The following EYA1 variants were observed in gnomAD, a reference collection of about 807,000 sequenced individuals.
EYA1 encodes EYA transcriptional coactivator and phosphatase 1.
EYA1 carries 16 observed loss-of-function variants against 82.0 expected under a neutral mutation model. The ratio of observed to expected loss-of-function variants is 0.20; its 90% CI spans 0.13 to 0.30. The LOEUF (loss-of-function observed/expected upper bound fraction) is 0.30. EYA1 is among the 10% of genes least tolerant of loss of function. The probability of loss-of-function intolerance (pLI) is 1.00; values close to 1 mark genes in which losing one functional copy is unlikely to be tolerated. For synonymous variants in EYA1, 261 were observed against 264.4 expected (o/e 0.99, Z 0.12); for missense variants, 633 against 730.7 (o/e 0.87, Z 1.54).
At chr8:71,429,364 G>T (rs1805465319) in intron 2 of EYA1, among the ~76,000 whole-genome samples, 1 of 151,988 alleles carries the variant, frequency 6.6e-6, no homozygotes, top group African/African-American at 2.4e-5. Flanking sequence ...CAATTAAGTT[G>T]ATTTCAAAAA....
chr8:71,424,594 G>C (rs902105369), intron 2 of EYA1, among the ~76,000 whole-genome samples: 2 of 152,196 alleles, frequency 1.3e-5, no homozygotes, highest in Admixed American at 6.5e-5. Flanking sequence ...ACTGGGAACA[G>C]TAATTTCAGT....
At chr8:71,236,928 C>G (rs2128891557) in intron 12 of EYA1, among the ~76,000 whole-genome samples, 2 of 152,296 alleles carry the variant, frequency 1.3e-5, no homozygotes, top group East Asian at 3.9e-4. Context: ...TTTCTGAAAA[C>G]TTGTATCCCT....
In EYA1 at chr8:71,317,561, GGTAGCT is replaced by G; in HGVS notation, c.541_546del (p.Ser181_Tyr182del). 6.2e-7 allele frequency: 1 copy of G among 1,614,058 alleles called. No individual in the cohort carries two copies. The highest frequency in any genetic ancestry group is 8.5e-7 in the Non-Finnish European group (1 of 1,179,954). ...ATGTGTATATACAGACCTTGCATCT[GGTAGCT>G]GTATGGTGCCTGTCCAGGTTGAGGG... On this transcript the variant is annotated inframe_deletion, in exon 7 of 18. Coordinates refer to ENST00000340726, the MANE Select transcript of EYA1 (RefSeq NM_000503.6).
At chr8:71,369,668 C>T (rs936742272) in intron 2 of EYA1, among the ~76,000 whole-genome samples, 1 of 152,134 alleles carries the variant, frequency 6.6e-6, no homozygotes, top group Non-Finnish European at 1.5e-5. Flanking sequence ...GGCATAGTTT[C>T]CAGGGTTTAG....
chr8:71,262,151 C>T lies in EYA1; in HGVS notation c.1050+7589G>A, dbSNP rs573852903. On this transcript the variant is annotated intron_variant, in intron 11 of 17. Transcript: ENST00000340726. ...CAGATAATTTAATTTTTCTGAGCTA[C>T]ACTTTTCTTATTGGCAAAAAGAAGG... Among the ~76,000 whole-genome samples the T allele has an allele frequency of 1.2e-4, 18 of 152,290 alleles. No homozygotes were observed. The South Asian group carries it at 2.7e-3, about 23-fold the overall frequency.
chr8:71,222,782 C>G (rs1236444018), intron 12 of EYA1, among the ~76,000 whole-genome samples: 1 of 152,202 alleles, frequency 6.6e-6, no homozygotes, highest in African/African-American at 2.4e-5. Context: ...GTCTTTGACC[C>G]TCAACTCGCC....
At chr8:71,433,184 T>A (rs1243067214) in intron 2 of EYA1, among the ~76,000 whole-genome samples, 5 of 152,120 alleles carry the variant, frequency 3.3e-5, no homozygotes, top group Non-Finnish European at 7.4e-5. Context: ...ATATTTACAA[T>A]TTTTTCCTTA....
intron 2 of EYA1, among the ~76,000 whole-genome samples, chr8:71,486,473 G>A (rs945394830): frequency 6.6e-6 from 1 of 152,170 alleles, no homozygotes; most frequent in Non-Finnish European, 1.5e-5. Context: ...GAACCTGGGG[G>A]TCCTTTTTCT....
In EYA1 at chr8:71,317,691, T is replaced by C; in HGVS notation, c.419-2A>G. The C allele has an allele frequency of 6.2e-7, 1 of 1,614,000 alleles. No homozygotes were observed. Among genetic ancestry groups the C allele is most frequent in the Admixed American group, 1.7e-5 (1 of 60,028 alleles). On this transcript the variant is annotated splice_acceptor_variant, in intron 6 of 17. Transcript: ENST00000340726. LOFTEE classifies it high-confidence loss of function. ...TCTTGATGCCTGCCCACAATGCACC[T>C]AAATCAGTTAGTGATAGCTTATCTA... is the stretch of plus-strand genomic sequence containing the variant.
chr8:71,507,188 T>C (rs1384538787), intron 2 of EYA1, among the ~76,000 whole-genome samples: 1 of 152,154 alleles, frequency 6.6e-6, no homozygotes, highest in African/African-American at 2.4e-5. Context: ...TCTTTTTCTC[T>C]GCAGTATATA....
At chr8:71,206,422 T>C (rs1807781508) in intron 17 of EYA1, among the ~76,000 whole-genome samples, 2 of 152,110 alleles carry the variant, frequency 1.3e-5, no homozygotes, top group South Asian at 4.1e-4. Context: ...GGTTTCACCA[T>C]GTTGCCCAGG....
chr8:71,348,451 A>G (rs1328538114), intron 3 of EYA1, among the ~76,000 whole-genome samples: 1 of 152,238 alleles, frequency 6.6e-6, no homozygotes, highest in African/African-American at 2.4e-5. Flanking sequence ...TTCTGGCCCA[A>G]CCAGCGGAGA....
rs887536064 is a variant in EYA1 at position 71,271,820 on chromosome 8, T to G, written c.904A>C (p.Lys302Gln). 6.2e-7 allele frequency: 1 copy of G among 1,614,200 alleles called. No individual in the cohort carries two copies. Among genetic ancestry groups the G allele is most frequent in the Non-Finnish European group, 8.5e-7 (1 of 1,180,034 alleles). The change falls in exon 10 of 18, where the codon AAA (lysine) becomes CAA (glutamine). Residue 302 changes from lysine (K) to glutamine (Q), a missense_variant. Physicochemically the swap from Lys to Gln is moderately conservative, Grantham distance 53. Transcript: ENST00000340726. ...TTTCTTCGGCCCCGTCCACGTGATTTCCCATCTGAACCTCGACGCAATCGA... is the reference window on the plus strand; with the variant it reads ...TTTCTTCGGCCCCGTCCACGTGATTGCCCATCTGAACCTCGACGCAATCGA... ...SDRLRRGSDG[K>Q]SRGRGRRNNN... is the part of the protein sequence containing the mutation.
intron 4 of EYA1, among the ~76,000 whole-genome samples, chr8:71,328,247 C>T (rs1190278195): frequency 2.6e-5 from 4 of 152,164 alleles, no homozygotes; most frequent in Admixed American, 2.6e-4. Flanking sequence ...GGCTTAGAAA[C>T]TTCTTTCTTT....
At chr8:71,377,871 C>G (rs1828464692) in intron 2 of EYA1, among the ~76,000 whole-genome samples, 1 of 152,180 alleles carries the variant, frequency 6.6e-6, no homozygotes. Flanking sequence ...TTAACTGTTT[C>G]ATCTGACATT....
intron 2 of EYA1, among the ~76,000 whole-genome samples, chr8:71,416,588 G>A (rs1265890937): frequency 6.6e-6 from 1 of 152,164 alleles, no homozygotes; most frequent in African/African-American, 2.4e-5. Context: ...CTAGGTTAAA[G>A]GCCCTGCTCT....
intron 4 of EYA1, among the ~76,000 whole-genome samples, chr8:71,328,153 C>T (rs1197662847): frequency 6.6e-6 from 1 of 152,118 alleles, no homozygotes; most frequent in Non-Finnish European, 1.5e-5. Flanking sequence ...CTGCACCCAG[C>T]CAAGTTCATG....
At chr8:71,352,742 A>G (rs777156199) in intron 3 of EYA1, among the ~76,000 whole-genome samples, 24 of 152,258 alleles carry the variant, frequency 1.6e-4, no homozygotes, top group Non-Finnish European at 2.8e-4. Context: ...CAAAAATCCA[A>G]CAAAGTGCAG....
At chr8:71,410,173 C>G (rs1830506875) in intron 2 of EYA1, among the ~76,000 whole-genome samples, 2 of 146,618 alleles carry the variant, frequency 1.4e-5, no homozygotes, top group Non-Finnish European at 3.0e-5. Flanking sequence ...TGACAAAATT[C>G]AACAACCCTT....
Sources: gnomAD v4.1 joint callset for allele counts (sites outside exome capture counted in the v4.1 genomes callset) on GRCh38, gnomAD v4.1.1 for gene constraint, MANE v1.5 for transcripts, NCBI Gene and HGNC (gene_info 2026-07-23, HGNC 2026-07-21) for gene names.